Variants in ERC2 observed in about 807,000 individuals in gnomAD.
ERC2 encodes the protein ERC protein 2.
In ERC2, 42 loss-of-function variants were observed where a neutral mutation model predicts 114.8. The observed-to-expected ratio is 0.37, with a 90% CI of 0.29 to 0.47. ERC2 has a LOEUF of 0.47. Ranked by LOEUF, ERC2 falls within the 20% of genes least tolerant of loss-of-function variation. The pLI is 0.99. For synonymous variants in ERC2, 454 were observed against 425.5 expected, an observed-to-expected ratio of 1.07 and a Z score of -0.82; for missense variants, 939 against 1,150.7, an observed-to-expected ratio of 0.82 and a Z score of 2.66.
At chr3:56,249,920 C>T (rs955238973) in intron 3 of ERC2, among the ~76,000 whole-genome samples, 5 of 136,764 alleles carry the variant, frequency 3.7e-5, no homozygotes, top group African/African-American at 1.4e-4. Flanking sequence ...TGCAGTGGCA[C>T]AATATCGGCT....
chr3:56,308,593 G>C (rs183801942), intron 2 of ERC2, among the ~76,000 whole-genome samples: 89 of 152,274 alleles, frequency 5.8e-4, no homozygotes, highest in Middle Eastern at 3.4e-3. Flanking sequence ...AGAATCTACT[G>C]TGTCTTATCT....
chr3:55,710,327 C>A (rs149812309), intron 15 of ERC2, among the ~76,000 whole-genome samples: 212 of 152,266 alleles, frequency 1.4e-3, no homozygotes, highest in African/African-American at 4.7e-3. Flanking sequence ...TCATCAATAA[C>A]CCCTACCTCT....
At chr3:55,699,592 C>G in intron 15 of ERC2, 80 bp from the exon 16 acceptor site, 1 of 1,413,686 alleles carries the variant, frequency 7.1e-7, no homozygotes, top group Non-Finnish European at 9.4e-7. Context: ...AATTACAGTA[C>G]CTATAGGGAT....
At chr3:55,759,465 A>AAAC (rs1248514982) in intron 14 of ERC2, among the ~76,000 whole-genome samples, 152 of 2,194 alleles carry the variant, frequency 0.069, 3 homozygotes, top group African/African-American at 0.11. Flanking sequence ...CTTTCATTAA[A>AAAC]AAAAAAAAAA....
chr3:55,911,562 AG>A (rs1376263652), intron 13 of ERC2, among the ~76,000 whole-genome samples: 1 of 152,204 alleles, frequency 6.6e-6, no homozygotes, highest in East Asian at 1.9e-4. Flanking sequence ...GTCTGAATCA[AG>A]GTTTATTTAT....
At chr3:55,997,278 G>C (rs1224316545) in intron 10 of ERC2, among the ~76,000 whole-genome samples, 2 of 96,254 alleles carry the variant, frequency 2.1e-5, no homozygotes, top group Non-Finnish European at 4.3e-5. Context: ...AATTTAGGCA[G>C]TGTAGAAATA....
rs140262198 is a variant in ERC2 at position 56,261,414 on chromosome 3, G to A, written c.1074+34605C>T. ...ATAAAGACTCACTAACCTTATTCTT[G>A]TATATAACGTCTACAAGAAGGGGAA... On this transcript the variant is annotated intron_variant, in intron 3 of 17. Coordinates refer to ENST00000288221, the MANE Select transcript of ERC2 (RefSeq NM_015576.3). Among the ~76,000 whole-genome samples, 376 of 152,218 alleles carry A rather than the reference G, an allele frequency of 2.5e-3. 1 individual carries two copies. The highest frequency in any genetic ancestry group is 0.021 in the South Asian group (99 of 4,820).
intron 5 of ERC2, 54 bp from the exon 6 acceptor site, chr3:56,139,730 T>A: frequency 6.6e-7 from 1 of 1,516,604 alleles, no homozygotes; most frequent in Non-Finnish European, 8.9e-7. Flanking sequence ...CCCTACACTT[T>A]ACATTGGACA....
chr3:56,396,867 T>C (rs1434844390), intron 2 of ERC2, among the ~76,000 whole-genome samples: 4 of 152,158 alleles, frequency 2.6e-5, no homozygotes, highest in African/African-American at 9.7e-5. Context: ...GAATAGTGGC[T>C]GCTTCCTACC....
At chr3:56,069,328 C>T (rs1227494534) in intron 7 of ERC2, among the ~76,000 whole-genome samples, 1 of 152,152 alleles carries the variant, frequency 6.6e-6, no homozygotes, top group Non-Finnish European at 1.5e-5. Flanking sequence ...TTTGGGAACT[C>T]TGAAAAGTTA....
At chr3:55,557,104 C>T (rs2055668387) in intron 17 of ERC2, among the ~76,000 whole-genome samples, 1 of 152,136 alleles carries the variant, frequency 6.6e-6, no homozygotes, top group Non-Finnish European at 1.5e-5. Context: ...ATAAAAAGTT[C>T]TGCTGACACA....
chr3:56,253,658 T>G (rs1185438834), intron 3 of ERC2, among the ~76,000 whole-genome samples: 1 of 152,194 alleles, frequency 6.6e-6, no homozygotes, highest in Non-Finnish European at 1.5e-5. Context: ...AGGTCAAACA[T>G]GCACAGCAAC....
At chr3:56,127,061 C>T (rs1010015644) in intron 6 of ERC2, among the ~76,000 whole-genome samples, 11 of 151,986 alleles carry the variant, frequency 7.2e-5, no homozygotes, top group African/African-American at 2.4e-4. Flanking sequence ...ATCAAGAAAA[C>T]AATCCCATTT....
chr3:55,626,080 C>A (rs959672090), intron 17 of ERC2, among the ~76,000 whole-genome samples: 2 of 152,176 alleles, frequency 1.3e-5, no homozygotes, highest in African/African-American at 4.8e-5. Context: ...CCATCTTGCA[C>A]AATACAAATT....
chr3:55,564,691 TA>T (rs1185857524), intron 17 of ERC2, among the ~76,000 whole-genome samples: 1 of 152,230 alleles, frequency 6.6e-6, no homozygotes. Context: ...TAATGAAATA[TA>T]AGCAGAGGGA....
intron 15 of ERC2, among the ~76,000 whole-genome samples, chr3:55,717,171 T>G (rs910360951): frequency 1.3e-5 from 2 of 152,196 alleles, no homozygotes; most frequent in Non-Finnish European, 2.9e-5. Flanking sequence ...CGGACCTTGT[T>G]TTTAAAGACT....
intron 2 of ERC2, among the ~76,000 whole-genome samples, chr3:56,420,896 CAA>C (rs747377493): frequency 6.4e-5 from 7 of 109,184 alleles, no homozygotes; most frequent in East Asian, 5.5e-4. Context: ...GACTCCGTCT[CAA>C]AAAAAAAAAA....
At chr3:55,654,703 C>G (rs1014961812) in intron 17 of ERC2, among the ~76,000 whole-genome samples, 5 of 152,210 alleles carry the variant, frequency 3.3e-5, no homozygotes, top group Non-Finnish European at 7.3e-5. Flanking sequence ...TCAACTCCTG[C>G]TTTGGCACGA....
intron 7 of ERC2, among the ~76,000 whole-genome samples, chr3:56,043,309 G>A (rs1167884788): frequency 6.6e-6 from 1 of 152,038 alleles, no homozygotes; most frequent in Non-Finnish European, 1.5e-5. Context: ...CATTGTGTGT[G>A]GCAAAAGTAC....
Sources: gnomAD v4.1 joint callset for allele counts (sites outside exome capture counted in the v4.1 genomes callset) on GRCh38, gnomAD v4.1.1 for gene constraint, MANE v1.5 for transcripts, NCBI Gene and HGNC (gene_info 2026-07-23, HGNC 2026-07-21) for gene names.